The following RBCK1 variants were observed in gnomAD, a reference collection of about 807,000 sequenced individuals.
RBCK1 encodes the protein RANBP2-type and C3HC4-type zinc finger containing 1.
Under a neutral mutation model 71.1 loss-of-function variants are expected in RBCK1, and 44 were observed. The observed-to-expected ratio is 0.62, with a 90% CI of 0.49 to 0.80. The LOEUF (loss-of-function observed/expected upper bound fraction) is 0.80. RBCK1 is among the 30% of genes least tolerant of loss of function. The pLI is 0.00. For missense variants in RBCK1, 569 were observed against 685.0 expected (o/e 0.83, Z 1.89); for synonymous variants, 306 against 279.7 (o/e 1.09, Z -0.94).
At chr20:423,165 G>A (rs563877438) in intron 8 of RBCK1, among the ~76,000 whole-genome samples, 44 of 152,320 alleles carry the variant, frequency 2.9e-4, no homozygotes, top group African/African-American at 1.0e-3. Context: ...CGGGTGTGGT[G>A]GCGCATGCCT....
Position 422,069 on chromosome 20 carries a change from GAGTCCCC to G in RBCK1, c.918-54_918-48del. On this transcript the variant is annotated intron_variant, in intron 7 of 11. Coordinates refer to ENST00000356286, the MANE Select transcript of RBCK1 (RefSeq NM_031229.4). The surrounding 1 kb of genome is among the most constrained non-coding windows in gnomAD (Gnocchi z 5.0). The stretch of plus-strand genomic sequence containing the variant: ...GTCAGGCCTTGCCATGTGAGGGATG[GAGTCCCC>G]AGTGAAGGGGGTTCCTATGATCCTA... The G allele has an allele frequency of 7.1e-7, 1 of 1,398,964 alleles. No homozygotes were observed. The highest frequency in any genetic ancestry group is 1.0e-6 in the Non-Finnish European group (1 of 999,922). 86.7% of individuals were successfully genotyped at this position (1,398,964 alleles called of 1,614,324 possible).
chr20:428,610 A>G lies in RBCK1; in HGVS notation c.1308+21A>G. The G allele has an allele frequency of 6.3e-7, 1 of 1,586,546 alleles. No individual in the cohort carries two copies. The highest frequency in any genetic ancestry group is 8.6e-7 in the Non-Finnish European group (1 of 1,167,572). ...TGAAGGTGAGGCTGGGACAGGGCCG[A>G]GGCCTAGGGATTTTAAGTTCTGGGA... On this transcript the variant is annotated intron_variant, in intron 10 of 11. Transcript: ENST00000356286. This position sits in a 1 kb window ranked among gnomAD's most constrained non-coding sequence, Gnocchi z 5.7.
intron 6 of RBCK1, 23 bp from the exon 7 acceptor site, chr20:420,848 G>T: frequency 7.1e-7 from 1 of 1,416,752 alleles, no homozygotes; most frequent in Non-Finnish European, 9.3e-7. Flanking sequence ...GACCCGCCCC[G>T]TGGCCCCGCC....
intron 1 of RBCK1, among the ~76,000 whole-genome samples, chr20:409,005 C>G (rs973193577): frequency 6.6e-6 from 1 of 152,240 alleles, no homozygotes; most frequent in Admixed American, 6.5e-5. Context: ...GGCTAGGGGA[C>G]TCGCAGAGGA....
chr20:425,616 A>G (rs1373247158), intron 8 of RBCK1, among the ~76,000 whole-genome samples: 1 of 141,716 alleles, frequency 7.1e-6, no homozygotes. Context: ...AATGTTTTGC[A>G]TGGTGTATTC....
rs770255844 is a variant in RBCK1 at position 422,115 on chromosome 20, C to T, written c.918-12C>T. 1.9e-6 allele frequency: 3 copies of T among 1,605,124 alleles called. No individual in the cohort carries two copies. The highest frequency in any genetic ancestry group is 2.6e-6 in the Non-Finnish European group (3 of 1,175,222). Reference sequence around the variant, plus strand: ...CCTATGATCCTAACTCTTTTCCCCTCCCCTCCCCTAGGGAGTGCCTGCAGG... The same window carrying T: ...CCTATGATCCTAACTCTTTTCCCCTTCCCTCCCCTAGGGAGTGCCTGCAGG... On this transcript the variant is annotated splice_polypyrimidine_tract_variant and intron_variant, in intron 7 of 11. Coordinates refer to ENST00000356286, the MANE Select transcript of RBCK1 (RefSeq NM_031229.4). The surrounding 1 kb of genome is among the most constrained non-coding windows in gnomAD (Gnocchi z 5.0).
Position 428,423 on chromosome 20 carries a change from A to AC in RBCK1, c.1210-66dup. On this transcript the variant is annotated intron_variant, in intron 9 of 11. Transcript: ENST00000356286. The surrounding 1 kb of genome is among the most constrained non-coding windows in gnomAD (Gnocchi z 5.7). ...GTGCCTTTGTGGACTCCTGCCCTGC[A>AC]CCTCACCTCTCCCAGCTTCTTAACC... 8.5e-7 allele frequency: 1 copy of AC among 1,172,172 alleles called. No individual in the cohort carries two copies. The highest frequency in any genetic ancestry group is 1.2e-6 in the Non-Finnish European group (1 of 830,202). The allele number at this position is 1,172,172 out of a possible 1,614,324, so 72.6% of individuals were successfully genotyped here. A position where few individuals can be genotyped will look rare whatever the true frequency, so the allele number is the denominator to read the frequency against.
chr20:418,011 C>T lies in RBCK1; in HGVS notation c.460+81C>T, dbSNP rs146801967. ...GGGCATAGGGCAAGCAGGGGCAGAG[C>T]CCCTGGGTTTTTAGTCAGGGACTCA... On this transcript the variant is annotated intron_variant, in intron 4 of 11. Transcript: ENST00000356286. The T allele has an allele frequency of 8.9e-4, 1,261 of 1,413,970 alleles. 6 individuals are homozygous for T. The Middle Eastern group carries it at 0.021, about 24-fold the overall frequency. 87.6% of individuals were successfully genotyped at this position (1,413,970 alleles called of 1,614,324 possible).
chr20:415,835 C>T (rs986065581), intron 2 of RBCK1, among the ~76,000 whole-genome samples: 1 of 152,122 alleles, frequency 6.6e-6, no homozygotes, highest in African/African-American at 2.4e-5. Context: ...TTTACTGAAG[C>T]GGGAGCAGGC....
rs781693914 is a variant in RBCK1, at chr20:428,631, T to C, written c.1308+42T>C. 2.0e-5 allele frequency: 31 copies of C among 1,557,102 alleles called. No homozygotes were observed. Among genetic ancestry groups the C allele is most frequent in the Non-Finnish European group, 2.3e-5 (27 of 1,150,540 alleles). ...GCCGAGGCCTAGGGATTTTAAGTTC[T>C]GGGATCCAGGTGGGGGCTGGGGGCT... On this transcript the variant is annotated intron_variant, in intron 10 of 11. Coordinates refer to ENST00000356286, the MANE Select transcript of RBCK1 (RefSeq NM_031229.4). This position sits in a 1 kb window ranked among gnomAD's most constrained non-coding sequence, Gnocchi z 5.7.
At chr20:427,258 G>T in intron 8 of RBCK1, 55 bp from the exon 9 acceptor site, 1 of 1,576,832 alleles carries the variant, frequency 6.3e-7, no homozygotes, top group Non-Finnish European at 8.7e-7. Flanking sequence ...AGTGGTCAAG[G>T]GTCATATGTC....
Position 418,570 on chromosome 20 carries a change from G to A in RBCK1, c.460+640G>A, listed in dbSNP as rs527646483. Among the ~76,000 whole-genome samples the A allele has an allele frequency of 3.4e-3, 517 of 152,098 alleles. 4 individuals carry two copies. Among genetic ancestry groups the A allele is most frequent in the Admixed American group, 0.012 (177 of 15,284 alleles). The stretch of plus-strand genomic sequence containing the variant: ...TTTTTAGTAGAGACGGGGTTTCACC[G>A]TGTTAGCCAGGATGGTCTCGATCTC... On this transcript the variant is annotated intron_variant, in intron 4 of 11. Coordinates refer to ENST00000356286, the MANE Select transcript of RBCK1 (RefSeq NM_031229.4).
chr20:410,787 C>T, intron 2 of RBCK1: 1 of 455,694 alleles, frequency 2.2e-6, no homozygotes, highest in Non-Finnish European at 4.0e-6. Context: ...TTTTTCATTA[C>T]TGGATAGTAA....
In RBCK1 at chr20:431,334, G is replaced by A. The variant is rs1304604321; in HGVS notation, c.*904G>A. Among the ~76,000 whole-genome samples, 1 of 152,130 alleles carries A rather than the reference G, an allele frequency of 6.6e-6. No homozygotes were observed. The highest frequency in any genetic ancestry group is 1.5e-5 in the Non-Finnish European group (1 of 68,016). ...TAGTTCAAGAAGGAACGAAGCTGCT[G>A]CAGTTGAGGGGTGGGGTTGTCCATC... On this transcript the variant is annotated 3_prime_UTR_variant, in exon 12 of 12. Coordinates refer to ENST00000356286, the MANE Select transcript of RBCK1 (RefSeq NM_031229.4). The surrounding 1 kb of genome is among the most constrained non-coding windows in gnomAD (Gnocchi z 4.8).
At chr20:427,175 T>G in intron 8 of RBCK1, 138 bp from the exon 9 acceptor site, 25 of 753,100 alleles carry the variant, frequency 3.3e-5, no homozygotes, top group Admixed American at 5.8e-5. Context: ...TTCAACACTA[T>G]GAGGATTACA....
chr20:425,623 A>ATTTTTTTTTTTTTTTTTTTTT (rs200677519), intron 8 of RBCK1, among the ~76,000 whole-genome samples: 1 of 130,068 alleles, frequency 7.7e-6, no homozygotes, highest in Non-Finnish European at 1.6e-5. Context: ...TGCATGGTGT[A>ATTTTTTTTTTTTTTTTTTTTT]TTCTTTTTTT....
chr20:417,676 T>C lies in RBCK1; in HGVS notation c.262-56T>C. The C allele has an allele frequency of 6.2e-7, 1 of 1,604,388 alleles. No individual in the cohort carries two copies. The highest frequency in any genetic ancestry group is 8.5e-7 in the Non-Finnish European group (1 of 1,171,876). On this transcript the variant is annotated intron_variant, in intron 3 of 11. Coordinates refer to ENST00000356286, the MANE Select transcript of RBCK1 (RefSeq NM_031229.4). This position sits in a 1 kb window ranked among gnomAD's most constrained non-coding sequence, Gnocchi z 4.7. ...TGAAGGCTCTCCCTTTCACTCCTGC[T>C]TCCTCTCTCTCCTCTGGCCCTCCCT...
intron 2 of RBCK1, among the ~76,000 whole-genome samples, chr20:411,193 G>T (rs1366657525): frequency 1.3e-5 from 2 of 151,990 alleles, no homozygotes; most frequent in Non-Finnish European, 2.9e-5. Flanking sequence ...CCATGTTGTA[G>T]CATGTCTAAC....
rs570954124 is a variant in RBCK1, at chr20:418,620, G to A, written c.460+690G>A. Reference sequence around the variant, plus strand: ...CCTGACTTTGTGATCCGCCCGCCTCGGCCTCCCAAAGTGCTGGGATTACAG... The same window carrying A: ...CCTGACTTTGTGATCCGCCCGCCTCAGCCTCCCAAAGTGCTGGGATTACAG... On this transcript the variant is annotated intron_variant, in intron 4 of 11. Coordinates refer to ENST00000356286, the MANE Select transcript of RBCK1 (RefSeq NM_031229.4). Among the ~76,000 whole-genome samples, 90 of 152,142 alleles carry A rather than the reference G, an allele frequency of 5.9e-4. 1 individual carries two copies. The highest frequency in any genetic ancestry group is 1.0e-3 in the South Asian group (5 of 4,814).
Sources: gnomAD v4.1 joint callset for allele counts (sites outside exome capture counted in the v4.1 genomes callset) on GRCh38, gnomAD v4.1.1 for gene constraint, Gnocchi (gnomAD v3.1) non-coding constraint, MANE v1.5 for transcripts, NCBI Gene and HGNC (gene_info 2026-07-23, HGNC 2026-07-21) for gene names.